Variants in KHDRBS2 observed in about 807,000 individuals in gnomAD.
KHDRBS2 encodes KH RNA binding domain containing, signal transduction associated 2.
In KHDRBS2, 26 loss-of-function variants were observed where a neutral mutation model predicts 44.3. That is an observed-to-expected ratio of 0.59 (90% CI 0.43 to 0.81). KHDRBS2 has a LOEUF of 0.81. KHDRBS2 is among the 40% of genes least tolerant of loss of function. The pLI, the probability that KHDRBS2 is intolerant of heterozygous loss-of-function variation, is 0.00. For missense variants in KHDRBS2, 476 were observed against 433.1 expected (o/e 1.10, Z -0.88); for synonymous variants, 194 against 151.1 (o/e 1.28, Z -2.08).
Position 61,702,855 on chromosome 6 carries a change from G to A in KHDRBS2, c.894-5602C>T, listed in dbSNP as rs929959537. 1.2e-4 allele frequency among the ~76,000 whole-genome samples: 18 copies of A among 151,822 alleles called. 1 individual carries two copies. Among genetic ancestry groups the A allele is most frequent in the Admixed American group, 1.1e-3 (16 of 15,198 alleles). ...TATTTTTAGTGTCTAAGGTCTAGAA[G>A]TCAAAAAGCCAAAATCGTGTGTAGA... On this transcript the variant is annotated intron_variant, in intron 7 of 8. Transcript: ENST00000281156.
At chr6:61,665,892 G>A in the KHDRBS2 span, among the ~76,000 whole-genome samples, 62 of 150,862 alleles carry the variant, frequency 4.1e-4, no homozygotes, top group Admixed American at 2.3e-3. Flanking sequence ...TCAAGTTATA[G>A]TTTCACATTT....
the KHDRBS2 span, among the ~76,000 whole-genome samples, chr6:61,607,530 A>AAAAAAAAAAAAC: frequency 6.9e-6 from 1 of 145,654 alleles, no homozygotes; most frequent in Non-Finnish European, 1.5e-5. Flanking sequence ...CAAAAAAAAA[A>AAAAAAAAAAAAC]AAAAAAAAAA....
chr6:61,934,125 A>AT (rs1289184950), intron 4 of KHDRBS2, among the ~76,000 whole-genome samples: 1 of 150,590 alleles, frequency 6.6e-6, no homozygotes, highest in Non-Finnish European at 1.5e-5. Flanking sequence ...TCTTTTGCCC[A>AT]TTTTTTAATG....
intron 1 of KHDRBS2, among the ~76,000 whole-genome samples, chr6:62,219,816 T>C (rs1397522703): frequency 6.8e-6 from 1 of 147,894 alleles, no homozygotes; most frequent in Non-Finnish European, 1.5e-5. Flanking sequence ...ATAGTTACTA[T>C]ATATGATAGT....
chr6:61,555,996 G>A, the KHDRBS2 span, among the ~76,000 whole-genome samples: 21 of 152,206 alleles, frequency 1.4e-4, no homozygotes, highest in South Asian at 6.2e-4. Context: ...ATGCTCGTTT[G>A]CACATGCCAG....
chr6:61,996,710 A>G (rs754952804), intron 3 of KHDRBS2, among the ~76,000 whole-genome samples: 3 of 152,162 alleles, frequency 2.0e-5, no homozygotes, highest in Non-Finnish European at 4.4e-5. Flanking sequence ...TGAGTCACAT[A>G]TAACTTTAAT....
At chr6:62,276,481 C>T (rs1379082196) in intron 1 of KHDRBS2, among the ~76,000 whole-genome samples, 3 of 152,102 alleles carry the variant, frequency 2.0e-5, no homozygotes, top group African/African-American at 7.2e-5. Flanking sequence ...CAAAATTATC[C>T]AATCACTTTT....
chr6:61,646,880 C>T, the KHDRBS2 span, among the ~76,000 whole-genome samples: 15 of 152,116 alleles, frequency 9.9e-5, 1 homozygote, highest in African/African-American at 3.1e-4. Context: ...AGTGCAGTGG[C>T]GTGATCTTGG....
the KHDRBS2 span, among the ~76,000 whole-genome samples, chr6:61,608,601 C>T: frequency 1.3e-5 from 2 of 151,798 alleles, no homozygotes; most frequent in African/African-American, 4.8e-5. Context: ...CCCCCACCCC[C>T]CAACAGGCCC....
At chr6:61,653,634 A>G in the KHDRBS2 span, among the ~76,000 whole-genome samples, 1 of 151,060 alleles carries the variant, frequency 6.6e-6, no homozygotes, top group Non-Finnish European at 1.5e-5. Flanking sequence ...AGAGAGAGAG[A>G]GAGAGGTAAA....
At position 62,091,650 on chromosome 6, in the gene KHDRBS2, C is replaced by CT. The variant is rs549625045; in HGVS notation, c.220-43657dup. ...TTTCACAACATTTGAAAAGATACCA[C>CT]TTTTTCAAATTTTCACTTTGAAAAA... On this transcript the variant is annotated intron_variant, in intron 2 of 8. Coordinates refer to ENST00000281156, the MANE Select transcript of KHDRBS2 (RefSeq NM_152688.4). Among the ~76,000 whole-genome samples, 670 of 152,210 alleles carry CT rather than the reference C, an allele frequency of 4.4e-3. 8 individuals carry two copies. The highest frequency in any genetic ancestry group is 0.015 in the African/African-American group (634 of 41,534).
chr6:61,848,542 TATATATATAC>T (rs1337465247), intron 6 of KHDRBS2, among the ~76,000 whole-genome samples: 15 of 54,428 alleles, frequency 2.8e-4, no homozygotes, highest in South Asian at 1.7e-3. Flanking sequence ...CATATATATG[TATATATATAC>T]ATATATATAT....
At chr6:62,183,172 A>G (rs1822701402) in intron 1 of KHDRBS2, among the ~76,000 whole-genome samples, 1 of 151,760 alleles carries the variant, frequency 6.6e-6, no homozygotes, top group Non-Finnish European at 1.5e-5. Context: ...TTTTGTGGTG[A>G]TTATATTTCT....
intron 2 of KHDRBS2, among the ~76,000 whole-genome samples, chr6:62,127,803 C>T (rs1465345315): frequency 2.0e-5 from 3 of 152,086 alleles, no homozygotes; most frequent in African/African-American, 4.8e-5. Flanking sequence ...CTTCAAGATT[C>T]CCTCAACATT....
At chr6:62,285,080 T>C (rs1167347716) in intron 1 of KHDRBS2, among the ~76,000 whole-genome samples, 1 of 152,176 alleles carries the variant, frequency 6.6e-6, no homozygotes, top group Non-Finnish European at 1.5e-5. Context: ...TATTATAACA[T>C]AAATGGAGTA....
the KHDRBS2 span, among the ~76,000 whole-genome samples, chr6:61,614,981 C>T: frequency 1.3e-5 from 2 of 151,794 alleles, no homozygotes; most frequent in East Asian, 3.9e-4. Flanking sequence ...TGCCTGTAAT[C>T]CCAGCACGTT....
chr6:61,865,945 T>G (rs1242454900), intron 6 of KHDRBS2, among the ~76,000 whole-genome samples: 2 of 152,214 alleles, frequency 1.3e-5, no homozygotes, highest in Non-Finnish European at 2.9e-5. Context: ...GCTCCAACCC[T>G]GTGGCTTTGC....
chr6:62,279,545 G>C (rs1020435107), intron 1 of KHDRBS2, among the ~76,000 whole-genome samples: 1 of 152,070 alleles, frequency 6.6e-6, no homozygotes, highest in South Asian at 2.1e-4. Flanking sequence ...GCTTAGAGGG[G>C]GAGACAACCA....
chr6:61,706,959 C>CAAAAACAAAAAA (rs1030211291), intron 7 of KHDRBS2, among the ~76,000 whole-genome samples: 2 of 151,140 alleles, frequency 1.3e-5, no homozygotes, highest in Non-Finnish European at 3.0e-5. Flanking sequence ...AAAACAAAAA[C>CAAAAACAAAAAA]AAAACAGTTA....
Sources: gnomAD v4.1 joint callset for allele counts (sites outside exome capture counted in the v4.1 genomes callset) on GRCh38, gnomAD v4.1.1 for gene constraint, MANE v1.5 for transcripts, NCBI Gene and HGNC (gene_info 2026-07-23, HGNC 2026-07-21) for gene names.